ERI3: variants seen among roughly 807,000 people sequenced by gnomAD.
The protein encoded by ERI3 is ERI1 exoribonuclease family member 3, also known as ERI1 exoribonuclease 3.
Under a neutral mutation model 44.4 loss-of-function variants are expected in ERI3, and 18 were observed. That is an observed-to-expected ratio of 0.41 (90% CI 0.28 to 0.60). The LOEUF (loss-of-function observed/expected upper bound fraction) is 0.60, where lower values mean the gene tolerates loss of function less well. Among genes scored for constraint, ERI3 ranks in the 20% least tolerant of loss-of-function variants. The pLI, the probability that ERI3 is intolerant of heterozygous loss-of-function variation, is 0.36. For synonymous variants in ERI3, 183 were observed against 164.8 expected (o/e 1.11, Z -0.84); for missense variants, 294 against 435.5 (o/e 0.68, Z 2.89).
intron 6 of ERI3, among the ~76,000 whole-genome samples, chr1:44,294,916 CAGAGAGGCATCCTCCT>C (rs1645579725): frequency 6.6e-6 from 1 of 152,240 alleles, no homozygotes; most frequent in Non-Finnish European, 1.5e-5. Context: ...GGAGGCTCCG[CAGAGAGGCATCCTCCT>C]AGCGTTCAGG....
intron 7 of ERI3, among the ~76,000 whole-genome samples, chr1:44,262,518 TG>T (rs1310238549): frequency 6.6e-6 from 1 of 152,206 alleles, no homozygotes; most frequent in East Asian, 1.9e-4. Context: ...CACTTCCATC[TG>T]GGCACCCACG....
At chr1:44,231,250 G>A (rs1292010219) in intron 8 of ERI3, among the ~76,000 whole-genome samples, 3 of 152,088 alleles carry the variant, frequency 2.0e-5, no homozygotes, top group Non-Finnish European at 4.4e-5. Flanking sequence ...ATTCTGCATT[G>A]GGATTTTCAG....
intron 7 of ERI3, 90 bp from the exon 8 acceptor site, chr1:44,248,128 T>G: frequency 1.3e-6 from 1 of 788,402 alleles, no homozygotes; most frequent in East Asian, 3.1e-5. Flanking sequence ...CCCAAATCTT[T>G]CCAACAAGGA....
At chr1:44,274,943 A>G (rs185022960) in intron 7 of ERI3, among the ~76,000 whole-genome samples, 2 of 152,196 alleles carry the variant, frequency 1.3e-5, no homozygotes, top group East Asian at 3.9e-4. Flanking sequence ...GCTGATTCCC[A>G]TCAGGACACC....
chr1:44,222,426 T>C (rs1266066369), intron 8 of ERI3, among the ~76,000 whole-genome samples: 1 of 152,252 alleles, frequency 6.6e-6, no homozygotes, highest in Non-Finnish European at 1.5e-5. Flanking sequence ...TTTTGGGCCC[T>C]GTTTCTGCCC....
At chr1:44,306,027 T>C (rs998952634) in intron 6 of ERI3, among the ~76,000 whole-genome samples, 2 of 152,230 alleles carry the variant, frequency 1.3e-5, no homozygotes, top group Admixed American at 6.5e-5. Context: ...GGAACACCGA[T>C]TAGCTGTGCG....
intron 2 of ERI3, among the ~76,000 whole-genome samples, chr1:44,351,623 T>A (rs1231089675): frequency 1.3e-5 from 2 of 152,220 alleles, no homozygotes; most frequent in South Asian, 4.1e-4. Flanking sequence ...ACAGAAAAAA[T>A]TTGCAGAGCA....
intron 8 of ERI3, among the ~76,000 whole-genome samples, chr1:44,232,427 CAGAG>C (rs1253552109): frequency 1.3e-5 from 2 of 152,150 alleles, no homozygotes; most frequent in East Asian, 3.8e-4. Context: ...CCAGTGAAAA[CAGAG>C]AGGGAAGAAA....
At chr1:44,354,677 A>T (rs1245623654) in intron 1 of ERI3, 1 of 985,268 alleles carries the variant, frequency 1.0e-6, no homozygotes, top group African/African-American at 1.7e-5. Context: ...TAGTAATCCC[A>T]GTAAGTCAAC....
At chr1:44,268,469 C>T (rs1168785526) in intron 7 of ERI3, among the ~76,000 whole-genome samples, 4 of 152,188 alleles carry the variant, frequency 2.6e-5, no homozygotes, top group South Asian at 2.1e-4. Context: ...TTAAAGAGAA[C>T]TGAAAACCAA....
chr1:44,288,069 TAG>T (rs2154323707), intron 6 of ERI3, among the ~76,000 whole-genome samples: 1 of 152,216 alleles, frequency 6.6e-6, no homozygotes, highest in East Asian at 1.9e-4. Flanking sequence ...TTCCACTGCC[TAG>T]GAAGGGTCTA....
At chr1:44,279,203 A>G (rs1380039275) in intron 7 of ERI3, among the ~76,000 whole-genome samples, 1 of 151,734 alleles carries the variant, frequency 6.6e-6, no homozygotes, top group Non-Finnish European at 1.5e-5. Context: ...TGCTTTAATT[A>G]TCAATCACAG....
At chr1:44,317,377 C>A (rs114249427) in intron 4 of ERI3, among the ~76,000 whole-genome samples, 162 of 152,270 alleles carry the variant, frequency 1.1e-3, no homozygotes, top group African/African-American at 3.8e-3. Flanking sequence ...CTATGCCTCT[C>A]GGAGATACAA....
intron 4 of ERI3, among the ~76,000 whole-genome samples, chr1:44,317,737 C>A (rs1646120516): frequency 6.6e-6 from 1 of 151,954 alleles, no homozygotes; most frequent in South Asian, 2.1e-4. Context: ...TAAGCAGAGT[C>A]CTGGAGGTCA....
At position 44,241,457 on chromosome 1, in the gene ERI3, A is replaced by C. The variant is rs929076194; in HGVS notation, c.931+6482T>G. ...CATGCTCACACATGCACACACATGC[A>C]CACACTTCACTGACTCTTGCTCTAA... On this transcript the variant is annotated intron_variant, in intron 8 of 8. Transcript: ENST00000372257. This position sits in a 1 kb window ranked among gnomAD's most constrained non-coding sequence, Gnocchi z 5.6. Among the ~76,000 whole-genome samples the C allele has an allele frequency of 2.6e-5, 4 of 151,986 alleles. No individual in the cohort carries two copies. Among genetic ancestry groups the C allele is most frequent in the Admixed American group, 6.6e-5 (1 of 15,260 alleles).
intron 7 of ERI3, among the ~76,000 whole-genome samples, chr1:44,254,813 T>C (rs1644749519): frequency 6.6e-6 from 1 of 151,794 alleles, no homozygotes; most frequent in Non-Finnish European, 1.5e-5. Flanking sequence ...GGGGAGACAC[T>C]ACGCTTCTTG....
intron 8 of ERI3, among the ~76,000 whole-genome samples, chr1:44,230,087 A>G (rs1426835208): frequency 6.6e-6 from 1 of 152,202 alleles, no homozygotes; most frequent in Non-Finnish European, 1.5e-5. Context: ...ATAAATCCTG[A>G]GCCTCGTCCT....
At chr1:44,229,849 C>T (rs1423007656) in intron 8 of ERI3, among the ~76,000 whole-genome samples, 1 of 152,142 alleles carries the variant, frequency 6.6e-6, no homozygotes, top group African/African-American at 2.4e-5. Context: ...CTCTCCCTTC[C>T]TCAGGCTCTT....
chr1:44,343,206 G>C (rs1383030784), intron 2 of ERI3, among the ~76,000 whole-genome samples: 3 of 151,940 alleles, frequency 2.0e-5, no homozygotes, highest in Non-Finnish European at 2.9e-5. Flanking sequence ...AACAATGATA[G>C]TAATGGATTA....
Sources: gnomAD v4.1 joint callset for allele counts (sites outside exome capture counted in the v4.1 genomes callset) on GRCh38, gnomAD v4.1.1 for gene constraint, Gnocchi (gnomAD v3.1) non-coding constraint, MANE v1.5 for transcripts, NCBI Gene and HGNC (gene_info 2026-07-23, HGNC 2026-07-21) for gene names.